The following CHSY3 variants were observed in gnomAD, a reference collection of about 807,000 sequenced individuals.
The protein encoded by CHSY3 is N-acetylgalactosaminyl-proteoglycan 3-beta-glucuronosyltransferase 3.
A neutral mutation model predicts 67.2 loss-of-function variants in CHSY3; 35 were observed. The ratio of observed to expected loss-of-function variants is 0.52; its 90% confidence interval spans 0.40 to 0.69. The LOEUF (loss-of-function observed/expected upper bound fraction) is 0.69, where lower values mean the gene tolerates loss of function less well. Among genes scored for constraint, CHSY3 ranks in the 30% least tolerant of loss-of-function variants. The pLI, the probability that CHSY3 is intolerant of heterozygous loss-of-function variation, is 0.00. For missense variants in CHSY3, 1,069 were observed against 1,138.5 expected (o/e 0.94, Z 0.88); for synonymous variants, 474 against 434.7 (o/e 1.09, Z -1.12).
intron 2 of CHSY3, among the ~76,000 whole-genome samples, chr5:129,918,415 A>C (rs575581446): frequency 6.6e-6 from 1 of 152,338 alleles, no homozygotes; most frequent in South Asian, 2.1e-4. Context: ...GTGATTAAAT[A>C]ATAACTTTTT....
chr5:130,181,185 G>A (rs1052811770), intron 2 of CHSY3, among the ~76,000 whole-genome samples: 4 of 152,262 alleles, frequency 2.6e-5, no homozygotes, highest in African/African-American at 9.6e-5. Flanking sequence ...GCCGTGTAAT[G>A]TTCTGGAGGT....
At chr5:129,964,883 G>A (rs1247357775) in intron 2 of CHSY3, among the ~76,000 whole-genome samples, 3 of 151,670 alleles carry the variant, frequency 2.0e-5, no homozygotes, top group African/African-American at 7.3e-5. Flanking sequence ...AAACACAAAA[G>A]GTTCTTGATT....
intron 2 of CHSY3, among the ~76,000 whole-genome samples, chr5:130,004,547 T>C (rs1424230371): frequency 1.3e-5 from 2 of 152,174 alleles, no homozygotes; most frequent in Admixed American, 1.3e-4. Flanking sequence ...GTTGATAGTA[T>C]CTACTAAATG....
chr5:130,037,776 C>T (rs1764901394), intron 2 of CHSY3, among the ~76,000 whole-genome samples: 1 of 152,040 alleles, frequency 6.6e-6, no homozygotes. Context: ...AGGGCAGCAG[C>T]TAATATCCTA....
At position 130,120,754 on chromosome 5, in the gene CHSY3, T is replaced by A. The variant is rs143319276; in HGVS notation, c.1087-63475T>A. 6.2e-3 allele frequency among the ~76,000 whole-genome samples: 938 copies of A among 151,820 alleles called. 10 individuals carry two copies. The highest frequency in any genetic ancestry group is 0.022 in the African/African-American group (909 of 41,444). ...AGATTAATAAAAGAGCTTGGAACAA[T>A]GAAAAACAAAAAAGAGAGAGAGAGA... On this transcript the variant is annotated intron_variant, in intron 2 of 2. Transcript: ENST00000305031.
chr5:129,926,610 C>A (rs1021871325), intron 2 of CHSY3, among the ~76,000 whole-genome samples: 1 of 150,710 alleles, frequency 6.6e-6, no homozygotes. Context: ...TTTGGTTTCC[C>A]TTTTTTTTTA....
intron 2 of CHSY3, among the ~76,000 whole-genome samples, chr5:130,130,098 T>G (rs1421584725): frequency 6.6e-6 from 1 of 152,152 alleles, no homozygotes; most frequent in African/African-American, 2.4e-5. Context: ...GTAAACTGTT[T>G]ATTCTATTAG....
chr5:130,131,714 A>G (rs1768488919), intron 2 of CHSY3, among the ~76,000 whole-genome samples: 1 of 152,176 alleles, frequency 6.6e-6, no homozygotes, highest in Non-Finnish European at 1.5e-5. Flanking sequence ...CAAAGGCCCT[A>G]TAGAGTTGGT....
intron 2 of CHSY3, among the ~76,000 whole-genome samples, chr5:130,096,185 T>C (rs1265686012): frequency 6.6e-6 from 1 of 152,182 alleles, no homozygotes; most frequent in East Asian, 1.9e-4. Flanking sequence ...TATATATATG[T>C]ATTTTCAGAT....
Position 130,035,265 on chromosome 5 carries a change from TTG to T in CHSY3, c.1086+126908_1086+126909del, listed in dbSNP as rs367874521. ...AGGAGAGGTGGGAGAAGGGGCAGTT[TTG>T]TGGGTATATTTTTAATTTAGAACCC... is the stretch of plus-strand genomic sequence containing the variant. On this transcript the variant is annotated intron_variant, in intron 2 of 2. Coordinates refer to ENST00000305031, the MANE Select transcript of CHSY3 (RefSeq NM_175856.5). Among the ~76,000 whole-genome samples, 186 of 152,112 alleles carry T rather than the reference TTG, an allele frequency of 1.2e-3. 2 individuals are homozygous for T. The highest frequency in any genetic ancestry group is 4.3e-3 in the African/African-American group (180 of 41,524).
chr5:130,109,160 C>T (rs17514963), intron 2 of CHSY3, among the ~76,000 whole-genome samples: 17,917 of 151,726 alleles, frequency 0.12, 1,142 homozygotes, highest in Middle Eastern at 0.25. Flanking sequence ...GTCCAAGAAA[C>T]TTTAAAACCG....
At chr5:129,922,761 A>G (rs1760967959) in intron 2 of CHSY3, among the ~76,000 whole-genome samples, 1 of 152,138 alleles carries the variant, frequency 6.6e-6, no homozygotes, top group Non-Finnish European at 1.5e-5. Context: ...GTGGTTTACA[A>G]TCATTTTCTC....
chr5:130,098,906 AT>A (rs1407419793), intron 2 of CHSY3, among the ~76,000 whole-genome samples: 40 of 152,160 alleles, frequency 2.6e-4, no homozygotes, highest in Admixed American at 2.5e-3. Flanking sequence ...GTGTTTTCTA[AT>A]TTTTTTAACT....
At chr5:130,115,026 A>T (rs528990144) in intron 2 of CHSY3, among the ~76,000 whole-genome samples, 1 of 152,298 alleles carries the variant, frequency 6.6e-6, no homozygotes, top group African/African-American at 2.4e-5. Flanking sequence ...ATCCAATTTT[A>T]AAAAATTGCT....
At chr5:130,177,213 A>G (rs964184007) in intron 2 of CHSY3, among the ~76,000 whole-genome samples, 1 of 150,518 alleles carries the variant, frequency 6.6e-6, no homozygotes, top group Non-Finnish European at 1.5e-5. Context: ...GAGTGTGTGT[A>G]TATATATGTG....
At chr5:129,984,415 T>C (rs542920821) in intron 2 of CHSY3, among the ~76,000 whole-genome samples, 2 of 152,286 alleles carry the variant, frequency 1.3e-5, no homozygotes, top group African/African-American at 2.4e-5. Context: ...CATATTTCTT[T>C]ATCCAGTCCA....
chr5:130,186,470 A>G lies in CHSY3; in HGVS notation c.*679A>G, dbSNP rs1175131058. ...AACTGTCTGCTATAAATGCGAATGAACTTTATTTTCTCAAGGAAATATGAT... is the reference window on the plus strand; with the variant it reads ...AACTGTCTGCTATAAATGCGAATGAGCTTTATTTTCTCAAGGAAATATGAT... On this transcript the variant is annotated 3_prime_UTR_variant, in exon 3 of 3. Transcript: ENST00000305031. 3 of 152,746 alleles carry G rather than the reference A, an allele frequency of 2.0e-5. No homozygotes were observed. Among genetic ancestry groups the G allele is most frequent in the Admixed American group, 1.3e-4 (2 of 15,272 alleles). The allele number at this position is 152,746 out of a possible 1,614,324, so 9.5% of individuals were successfully genotyped here. A position where few individuals can be genotyped will look rare whatever the true frequency, so the allele number is the denominator to read the frequency against.
chr5:129,979,014 C>G (rs142157552), intron 2 of CHSY3, among the ~76,000 whole-genome samples: 41 of 151,268 alleles, frequency 2.7e-4, no homozygotes, highest in African/African-American at 9.0e-4. Context: ...CTGGCTAACA[C>G]GGTGAAACCC....
intron 2 of CHSY3, among the ~76,000 whole-genome samples, chr5:129,930,120 G>T (rs1321620543): frequency 6.6e-6 from 1 of 152,104 alleles, no homozygotes; most frequent in African/African-American, 2.4e-5. Context: ...GATCACCTGA[G>T]ATCAGGAGTT....
Sources: gnomAD v4.1 joint callset for allele counts (sites outside exome capture counted in the v4.1 genomes callset) on GRCh38, gnomAD v4.1.1 for gene constraint, MANE v1.5 for transcripts, NCBI Gene and HGNC (gene_info 2026-07-23, HGNC 2026-07-21) for gene names.